Variants in APCDD1L observed in about 807,000 individuals in gnomAD.
The protein encoded by APCDD1L is protein APCDD1-like.
A neutral mutation model predicts 24.2 loss-of-function variants in APCDD1L; 21 were observed. The observed-to-expected ratio is 0.87, with a 90% CI of 0.61 to 1.25. The LOEUF (loss-of-function observed/expected upper bound fraction) is 1.25, where lower values mean the gene tolerates loss of function less well. Ranked by LOEUF, APCDD1L falls within the 50% of genes most tolerant of loss-of-function variation. The pLI, the probability that APCDD1L is intolerant of heterozygous loss-of-function variation, is 0.00. For synonymous variants in APCDD1L, 321 were observed against 323.6 expected (o/e 0.99, Z 0.09); for missense variants, 704 against 711.7 (o/e 0.99, Z 0.12).
At chr20:58,499,050 T>G (rs1326492983) in intron 1 of APCDD1L, among the ~76,000 whole-genome samples, 2 of 152,190 alleles carry the variant, frequency 1.3e-5, no homozygotes, top group East Asian at 3.9e-4. Context: ...GTCACCGCAG[T>G]GAGGTGGAAC....
At position 58,461,560 on chromosome 20, in the gene APCDD1L, A is replaced by C; in HGVS notation, c.742-6T>G. On this transcript the variant is annotated splice_polypyrimidine_tract_variant and splice_region_variant and intron_variant, in intron 3 of 3. Transcript: ENST00000371149. This position sits in a 1 kb window ranked among gnomAD's most constrained non-coding sequence, Gnocchi z 6.0. ...GGGCACGGCTGCACGTGGTGCTGGCAAAAGACAAACAGAAAAACGGTGGTT... is the reference window on the plus strand; with the variant it reads ...GGGCACGGCTGCACGTGGTGCTGGCCAAAGACAAACAGAAAAACGGTGGTT... The C allele has an allele frequency of 2.1e-6, 3 of 1,415,640 alleles. No individual in the cohort carries two copies. The highest frequency in any genetic ancestry group is 2.8e-6 in the Non-Finnish European group (3 of 1,078,506). The allele number at this position is 1,415,640 out of a possible 1,614,324, so 87.7% of individuals were successfully genotyped here. A position where few individuals can be genotyped will look rare whatever the true frequency, so the allele number is the denominator to read the frequency against.
intron 3 of APCDD1L, among the ~76,000 whole-genome samples, chr20:58,466,391 C>A (rs943958808): frequency 6.6e-6 from 1 of 152,236 alleles, no homozygotes; most frequent in Non-Finnish European, 1.5e-5. Context: ...GAAGCCCAGG[C>A]CACGTGGCTT....
chr20:58,507,270 C>A (rs2123193289), intron 1 of APCDD1L, among the ~76,000 whole-genome samples: 1 of 152,312 alleles, frequency 6.6e-6, no homozygotes, highest in South Asian at 2.1e-4. Flanking sequence ...TGATGACTTC[C>A]CAGCCATGTG....
intron 1 of APCDD1L, among the ~76,000 whole-genome samples, chr20:58,512,043 A>G (rs1600886135): frequency 1.3e-5 from 2 of 152,228 alleles, no homozygotes; most frequent in South Asian, 4.1e-4. Flanking sequence ...GAGAACTGGC[A>G]CCAGACACAT....
Position 58,497,580 on chromosome 20 carries a change from T to C in APCDD1L, c.49+17079A>G, listed in dbSNP as rs565966131. On this transcript the variant is annotated intron_variant, in intron 1 of 3. Transcript: ENST00000371149. This position sits in a 1 kb window ranked among gnomAD's most constrained non-coding sequence, Gnocchi z 4.3. ...CTCCCTGCGTCTCTTCACATCGTCT[T>C]CCTTCGACGCAGGTCTGCGTCCAAA... 3.9e-5 allele frequency among the ~76,000 whole-genome samples: 6 copies of C among 152,236 alleles called. No homozygotes were observed. The South Asian group carries it at 8.3e-4, about 21-fold the overall frequency.
At chr20:58,478,351 T>G (rs1043729576) in intron 1 of APCDD1L, among the ~76,000 whole-genome samples, 1 of 94,670 alleles carries the variant, frequency 1.1e-5, no homozygotes, top group Non-Finnish European at 2.3e-5. Context: ...GCTTCTTAAC[T>G]TTTTCTTTTC....
chr20:58,514,284 C>T (rs143330843), intron 1 of APCDD1L, among the ~76,000 whole-genome samples: 141 of 152,258 alleles, frequency 9.3e-4, no homozygotes, highest in African/African-American at 3.1e-3. Flanking sequence ...TCTGAATAGC[C>T]GGGCTTGTCC....
At chr20:58,510,837 T>A in intron 1 of APCDD1L, among the ~76,000 whole-genome samples, 1 of 152,202 alleles carries the variant, frequency 6.6e-6, no homozygotes, top group Non-Finnish European at 1.5e-5. Context: ...GCTGTTGGTA[T>A]CATTTTAATA....
chr20:58,463,491 G>A (rs139573606), intron 3 of APCDD1L, among the ~76,000 whole-genome samples: 6 of 152,306 alleles, frequency 3.9e-5, no homozygotes, highest in Non-Finnish European at 5.9e-5. Context: ...CTCAGCAGAC[G>A]CTAAAAAGGA....
In APCDD1L at chr20:58,467,181, C is replaced by A. The variant is rs1341499995; in HGVS notation, c.666G>T (p.Gly222=). The A allele has an allele frequency of 6.2e-7, 1 of 1,606,898 alleles. No individual in the cohort carries two copies. ...TCTCCGCCGGGTCGGTGTGGATGTC[C>A]CCCAGGTACAGCTCCTCCACCAGCC... ...SPRLVEELYL[G]DIHTDPAERR... is the part of the protein sequence containing the mutation. The change falls in exon 3 of 4, where the codon GGG becomes GGT. Residue 222 remains glycine (G), a synonymous_variant. Coordinates refer to ENST00000371149, the MANE Select transcript of APCDD1L (RefSeq NM_153360.3). This position sits in a 1 kb window ranked among gnomAD's most constrained non-coding sequence, Gnocchi z 5.9.
At chr20:58,468,842 A>T (rs1989764186) in intron 2 of APCDD1L, among the ~76,000 whole-genome samples, 1 of 152,202 alleles carries the variant, frequency 6.6e-6, no homozygotes, top group African/African-American at 2.4e-5. Context: ...TGCTGGGATT[A>T]CAGGCGTGAT....
intron 1 of APCDD1L, among the ~76,000 whole-genome samples, chr20:58,501,840 C>A (rs1004171719): frequency 6.6e-6 from 1 of 152,216 alleles, no homozygotes; most frequent in Non-Finnish European, 1.5e-5. Context: ...GGCTGTGACC[C>A]TCTTCATGGC....
At chr20:58,498,462 GA>G (rs1990366681) in intron 1 of APCDD1L, among the ~76,000 whole-genome samples, 1 of 151,976 alleles carries the variant, frequency 6.6e-6, no homozygotes, top group African/African-American at 2.4e-5. Context: ...AAGAAAGAAA[GA>G]AAAAAAGGAT....
intron 1 of APCDD1L, among the ~76,000 whole-genome samples, chr20:58,473,244 T>C (rs544643559): frequency 6.6e-6 from 1 of 152,316 alleles, no homozygotes; most frequent in South Asian, 2.1e-4. Context: ...GGCTTTTTTT[T>C]TCCCCCTGCA....
At chr20:58,498,184 T>TA (rs1990360834) in intron 1 of APCDD1L, among the ~76,000 whole-genome samples, 1 of 152,134 alleles carries the variant, frequency 6.6e-6, no homozygotes, top group Non-Finnish European at 1.5e-5. Flanking sequence ...TAAGAGGCCT[T>TA]ACAATACAAA....
intron 1 of APCDD1L, among the ~76,000 whole-genome samples, chr20:58,499,327 A>G (rs926270591): frequency 6.6e-6 from 1 of 151,952 alleles, no homozygotes; most frequent in African/African-American, 2.4e-5. Context: ...CAGCTAAGAC[A>G]GGGCTTTGCC....
At chr20:58,502,206 T>C (rs1990449045) in intron 1 of APCDD1L, among the ~76,000 whole-genome samples, 1 of 152,162 alleles carries the variant, frequency 6.6e-6, no homozygotes, top group Non-Finnish European at 1.5e-5. Flanking sequence ...GTTTGAGTGA[T>C]TCTCCTGCCT....
At chr20:58,478,390 T>C (rs2123151681) in intron 1 of APCDD1L, among the ~76,000 whole-genome samples, 1 of 152,120 alleles carries the variant, frequency 6.6e-6, no homozygotes, top group Admixed American at 6.5e-5. Flanking sequence ...CTTCCCTCTG[T>C]CCTTTCTTCC....
intron 1 of APCDD1L, among the ~76,000 whole-genome samples, chr20:58,491,348 A>G (rs1411417158): frequency 1.3e-5 from 2 of 152,238 alleles, no homozygotes; most frequent in African/African-American, 4.8e-5. Flanking sequence ...ATGATTGTCT[A>G]TGTAAAAACT....
Sources: allele counts gnomAD v4.1 joint callset (sites outside exome capture counted in the v4.1 genomes callset), GRCh38; gene constraint gnomAD v4.1.1; non-coding constraint Gnocchi (gnomAD v3.1); transcripts MANE v1.5; gene names NCBI Gene and HGNC (gene_info 2026-07-23, HGNC 2026-07-21).